Variants in MAML2 observed in about 807,000 individuals in gnomAD.
MAML2 encodes the protein mastermind like transcriptional coactivator 2, also known as mastermind-like protein 2.
In MAML2, 22 loss-of-function variants were observed where a neutral mutation model predicts 96.1. The observed-to-expected ratio is 0.23, with a 90% confidence interval of 0.16 to 0.33. The LOEUF is 0.33. MAML2 is among the 10% of genes least tolerant of loss of function. The pLI, the probability that MAML2 is intolerant of heterozygous loss-of-function variation, is 1.00. For missense variants in MAML2, 1,367 were observed against 1,392.4 expected (o/e 0.98, Z 0.29); for synonymous variants, 561 against 521.3 (o/e 1.08, Z -1.04).
In MAML2 at chr11:96,155,539, T is replaced by C. The variant is rs1403466389; in HGVS notation, c.514-62022A>G. ...ATATATATATATATATATATATATA[T>C]ATATATATATATGAGGAAAGTCTCT... On this transcript the variant is annotated intron_variant, in intron 1 of 4. Coordinates refer to ENST00000524717, the MANE Select transcript of MAML2 (RefSeq NM_032427.4). 3.1e-5 allele frequency among the ~76,000 whole-genome samples: 3 copies of C among 97,926 alleles called. 1 individual carries two copies. The highest frequency in any genetic ancestry group is 7.0e-5 in the African/African-American group (2 of 28,728). The allele number at this position is 97,926 out of a possible 152,430, so 64.2% of individuals were successfully genotyped here. A position where few individuals can be genotyped will look rare whatever the true frequency, so the allele number is the denominator to read the frequency against.
intron 1 of MAML2, among the ~76,000 whole-genome samples, chr11:96,297,324 C>T (rs149176152): frequency 3.0e-3 from 455 of 152,236 alleles, no homozygotes; most frequent in African/African-American, 0.01. Flanking sequence ...CCTATAATCC[C>T]AGCACTTTGG....
chr11:95,992,335 A>G (rs1028511433), intron 2 of MAML2, among the ~76,000 whole-genome samples: 5 of 152,310 alleles, frequency 3.3e-5, no homozygotes, highest in African/African-American at 9.6e-5. Context: ...GAATCTCAGT[A>G]AAAGAATACC....
intron 1 of MAML2, among the ~76,000 whole-genome samples, chr11:96,323,427 G>C (rs184278986): frequency 2.2e-4 from 33 of 151,432 alleles, no homozygotes; most frequent in Middle Eastern, 3.4e-3. Context: ...AGAACGATCT[G>C]GTTGCAGGTT....
chr11:96,113,184 A>AAAC (rs1555011412), intron 1 of MAML2, among the ~76,000 whole-genome samples: 6,617 of 148,160 alleles, frequency 0.045, 307 homozygotes, highest in African/African-American at 0.11. Context: ...AAAAAAAAAA[A>AAAC]AAAAAACTTT....
In MAML2 at chr11:95,979,861, T is replaced by C; in HGVS notation, c.2558A>G (p.His853Arg). 1 of 1,613,558 alleles carries C rather than the reference T, an allele frequency of 6.2e-7. No individual in the cohort carries two copies. Among genetic ancestry groups the C allele is most frequent in the South Asian group, 1.1e-5 (1 of 91,070 alleles). ...TPNSSLLSTSHGTRMPSLSTA... is the reference protein window; with the variant it reads ...TPNSSLLSTSRGTRMPSLSTA... ...AGATAATGATGGCATTCTTGTCCCG[T>C]GAGAAGTAGACAGGAGGCTGGAATT... Residue 853 changes from histidine (H) to arginine (R), a missense_variant, in exon 5 of 5, where the codon CAC becomes CGC. By Grantham distance (29) the His-to-Arg change is conservative. Coordinates refer to ENST00000524717, the MANE Select transcript of MAML2 (RefSeq NM_032427.4).
intron 1 of MAML2, among the ~76,000 whole-genome samples, chr11:96,326,667 A>C (rs1228090417): frequency 1.3e-5 from 2 of 151,860 alleles, no homozygotes; most frequent in Non-Finnish European, 2.9e-5. Context: ...GTATGGTGTG[A>C]TGGGCCCCTG....
intron 1 of MAML2, among the ~76,000 whole-genome samples, chr11:96,299,490 G>A (rs1863356547): frequency 6.6e-6 from 1 of 152,052 alleles, no homozygotes; most frequent in East Asian, 1.9e-4. Flanking sequence ...TTCTTCACTG[G>A]AGCAGCTGAG....
intron 1 of MAML2, among the ~76,000 whole-genome samples, chr11:96,235,056 A>T (rs1359782193): frequency 1.3e-5 from 2 of 152,228 alleles, no homozygotes; most frequent in Admixed American, 1.3e-4. Flanking sequence ...CTATAAAAAG[A>T]GTCAGTTTTG....
At chr11:96,077,219 CTTTTTTTT>C (rs371672772) in intron 2 of MAML2, among the ~76,000 whole-genome samples, 1 of 94,122 alleles carries the variant, frequency 1.1e-5, no homozygotes, top group South Asian at 4.0e-4. Flanking sequence ...CTCTCTCTCT[CTTTTTTTT>C]TTTTTTTTTT....
intron 2 of MAML2, among the ~76,000 whole-genome samples, chr11:96,003,654 A>G (rs1858132646): frequency 6.6e-6 from 1 of 152,134 alleles, no homozygotes; most frequent in African/African-American, 2.4e-5. Context: ...AATATTTAAT[A>G]AATTTTACCT....
At chr11:96,225,331 T>C (rs909187512) in intron 1 of MAML2, among the ~76,000 whole-genome samples, 1 of 152,196 alleles carries the variant, frequency 6.6e-6, no homozygotes, top group Non-Finnish European at 1.5e-5. Context: ...GAGGCTCACA[T>C]GATGGTGTCA....
chr11:96,263,280 G>A (rs1423293224), intron 1 of MAML2, among the ~76,000 whole-genome samples: 3 of 152,192 alleles, frequency 2.0e-5, no homozygotes, highest in Admixed American at 6.5e-5. Context: ...TTAAAAGCAG[G>A]ACTGAGATCT....
intron 2 of MAML2, among the ~76,000 whole-genome samples, chr11:96,005,515 G>T (rs1858165635): frequency 1.3e-5 from 2 of 152,014 alleles, no homozygotes. Flanking sequence ...TTCTCATTGA[G>T]TCAAAAATAC....
chr11:96,217,064 C>A (rs1163437040), intron 1 of MAML2, among the ~76,000 whole-genome samples: 1 of 152,104 alleles, frequency 6.6e-6, no homozygotes, highest in African/African-American at 2.4e-5. Flanking sequence ...AGAAGCAGAC[C>A]AATATGTTCG....
chr11:96,169,988 G>A (rs1861258522), intron 1 of MAML2, among the ~76,000 whole-genome samples: 1 of 152,186 alleles, frequency 6.6e-6, no homozygotes, highest in African/African-American at 2.4e-5. Flanking sequence ...ACCTAACATG[G>A]AGCAACATCT....
Position 96,093,467 on chromosome 11 carries a change from G to T in MAML2, c.564C>A (p.Asn188Lys), listed in dbSNP as rs200620130. ...CCACAAAGCCATTGGGTCGCTTGCT[G>T]TTGGCAGGAGATAGGTTAACTACCT... is the stretch of plus-strand genomic sequence containing the variant. ...RKQVVNLSPA[N>K]SKRPNGFVDN... The change falls in exon 2 of 5, where the codon AAC becomes AAA. Residue 188 changes from asparagine to lysine, a missense_variant. By Grantham distance (94) the Asn-to-Lys change is moderately conservative. Coordinates refer to ENST00000524717, the MANE Select transcript of MAML2 (RefSeq NM_032427.4). The T allele has an allele frequency of 1.5e-5, 24 of 1,613,782 alleles. No individual in the cohort carries two copies. The highest frequency in any genetic ancestry group is 2.0e-5 in the Non-Finnish European group (24 of 1,179,874).
intron 1 of MAML2, among the ~76,000 whole-genome samples, chr11:96,250,587 A>C (rs1227546204): frequency 6.6e-6 from 1 of 152,216 alleles, no homozygotes; most frequent in African/African-American, 2.4e-5. Context: ...CTTGGTCCAT[A>C]GTGAAAGCTC....
intron 1 of MAML2, among the ~76,000 whole-genome samples, chr11:96,301,563 C>G (rs1863387923): frequency 6.6e-6 from 1 of 152,218 alleles, no homozygotes; most frequent in South Asian, 2.1e-4. Context: ...TCTTGTTACC[C>G]TGTAGATGGC....
chr11:96,023,635 C>A (rs1386491564), intron 2 of MAML2, among the ~76,000 whole-genome samples: 3 of 152,134 alleles, frequency 2.0e-5, no homozygotes, highest in South Asian at 2.1e-4. Flanking sequence ...GGGGGAAATG[C>A]AGGCAGACTC....
Sources: gnomAD v4.1 joint callset for allele counts (sites outside exome capture counted in the v4.1 genomes callset) on GRCh38, gnomAD v4.1.1 for gene constraint, MANE v1.5 for transcripts, NCBI Gene and HGNC (gene_info 2026-07-23, HGNC 2026-07-21) for gene names.